Variants in ACER3 observed in about 807,000 individuals in gnomAD.
ACER3 encodes alkaline ceramidase 3.
A neutral mutation model predicts 48.9 loss-of-function variants in ACER3; 16 were observed. The observed-to-expected ratio is 0.33, with a 90% confidence interval of 0.22 to 0.50. The LOEUF (loss-of-function observed/expected upper bound fraction) is 0.50. ACER3 is among the 20% of genes least tolerant of loss of function. The pLI is 0.98. For missense variants in ACER3, 227 were observed against 326.0 expected (o/e 0.70, Z 2.34); for synonymous variants, 109 against 107.8 (o/e 1.01, Z -0.07).
At chr11:76,879,974 A>C (rs944860679) in intron 1 of ACER3, among the ~76,000 whole-genome samples, 1 of 152,112 alleles carries the variant, frequency 6.6e-6, no homozygotes, top group African/African-American at 2.4e-5. Context: ...ATTGGCATAA[A>C]ATTATTTCTA....
intron 1 of ACER3, among the ~76,000 whole-genome samples, chr11:76,880,887 A>G (rs534446425): frequency 6.6e-6 from 1 of 152,192 alleles, no homozygotes; most frequent in South Asian, 2.1e-4. Context: ...TTGTGCTGGT[A>G]TTTGGAGGTG....
intron 2 of ACER3, among the ~76,000 whole-genome samples, chr11:76,949,959 C>T (rs1947596209): frequency 6.6e-6 from 1 of 152,148 alleles, no homozygotes; most frequent in East Asian, 1.9e-4. Context: ...TTGCTGTTTT[C>T]AGTACCATAT....
At chr11:76,968,739 T>C (rs1948211696) in intron 3 of ACER3, among the ~76,000 whole-genome samples, 1 of 152,224 alleles carries the variant, frequency 6.6e-6, no homozygotes, top group South Asian at 2.1e-4. Context: ...TGGCTAGCCA[T>C]ATGTAGAAAG....
chr11:76,929,978 C>A (rs1431414317), intron 2 of ACER3, among the ~76,000 whole-genome samples: 2 of 151,080 alleles, frequency 1.3e-5, no homozygotes, highest in African/African-American at 4.8e-5. Context: ...ATGAGGCTGG[C>A]CTCATAAAAT....
chr11:76,922,758 G>A (rs1386970398), intron 1 of ACER3, among the ~76,000 whole-genome samples: 3 of 152,092 alleles, frequency 2.0e-5, no homozygotes, highest in Non-Finnish European at 4.4e-5. Context: ...ATTGTATACT[G>A]TAAATTGTAT....
In ACER3 at chr11:76,926,674, A is replaced by G. The variant is rs199519117; in HGVS notation, c.214+7A>G. ...TCTTATTTAGCACTCACAGGTATGT[A>G]TAACACTGTATCTGAAGAAATGTAC... On this transcript the variant is annotated splice_region_variant and intron_variant, in intron 2 of 10. Transcript: ENST00000532485. 42 of 1,512,652 alleles carry G rather than the reference A, an allele frequency of 2.8e-5. No homozygotes were observed. Among genetic ancestry groups the G allele is most frequent in the Non-Finnish European group, 3.6e-5 (39 of 1,090,388 alleles). 93.7% of individuals were successfully genotyped at this position (1,512,652 alleles called of 1,614,324 possible).
intron 3 of ACER3, among the ~76,000 whole-genome samples, chr11:76,959,505 A>G (rs929304810): frequency 4.6e-5 from 7 of 151,956 alleles, no homozygotes; most frequent in Non-Finnish European, 1.0e-4. Flanking sequence ...AAATTCATAA[A>G]CTTTCTTAAA....
chr11:76,913,010 GAAGGAGACCTGAAGGTCC>G (rs1036091371), intron 1 of ACER3, among the ~76,000 whole-genome samples: 9 of 152,170 alleles, frequency 5.9e-5, no homozygotes, highest in African/African-American at 2.2e-4. Context: ...AAATTTGCTT[GAAGGAGACCTGAAGGTCC>G]AAGAGAAGAA....
At chr11:76,976,717 A>G (rs892478736) in intron 4 of ACER3, among the ~76,000 whole-genome samples, 1 of 152,230 alleles carries the variant, frequency 6.6e-6, no homozygotes, top group Non-Finnish European at 1.5e-5. Context: ...AAAGTGAGGT[A>G]CACTTCTAGT....
At chr11:77,010,884 T>C (rs1388010157) in intron 7 of ACER3, among the ~76,000 whole-genome samples, 1 of 152,164 alleles carries the variant, frequency 6.6e-6, no homozygotes, top group Non-Finnish European at 1.5e-5. Flanking sequence ...AGCCAAACTA[T>C]CAGTAAAATA....
intron 1 of ACER3, among the ~76,000 whole-genome samples, chr11:76,900,290 CAG>C (rs1264730465): frequency 6.6e-6 from 1 of 152,120 alleles, no homozygotes; most frequent in Non-Finnish European, 1.5e-5. Flanking sequence ...GGTCCTGTCT[CAG>C]GGGTGGCAGA....
chr11:76,930,455 C>CT (rs1946965115), intron 2 of ACER3, among the ~76,000 whole-genome samples: 1 of 151,400 alleles, frequency 6.6e-6, no homozygotes, highest in Non-Finnish European at 1.5e-5. Flanking sequence ...TTTTTTGTGT[C>CT]TCTATCTCCT....
chr11:76,916,899 C>T (rs1343608958), intron 1 of ACER3, among the ~76,000 whole-genome samples: 1 of 152,120 alleles, frequency 6.6e-6, no homozygotes, highest in Non-Finnish European at 1.5e-5. Flanking sequence ...TCTAAAGCAG[C>T]ATTTTAGACC....
chr11:77,000,656 A>G (rs1200263691), intron 7 of ACER3, among the ~76,000 whole-genome samples: 1 of 152,218 alleles, frequency 6.6e-6, no homozygotes. Flanking sequence ...AAGACCCATT[A>G]GTGGAAAAGA....
At chr11:76,962,297 G>A (rs1245285522) in intron 3 of ACER3, among the ~76,000 whole-genome samples, 1 of 142,160 alleles carries the variant, frequency 7.0e-6, no homozygotes, top group Admixed American at 7.2e-5. Flanking sequence ...TCGGCTCACT[G>A]CAACCTCTGC....
At chr11:76,936,806 C>A (rs566556721) in intron 2 of ACER3, among the ~76,000 whole-genome samples, 2 of 151,950 alleles carry the variant, frequency 1.3e-5, no homozygotes, top group Admixed American at 6.6e-5. Context: ...CACCCTCCCC[C>A]ACCTGGGTTC....
intron 7 of ACER3, chr11:77,011,228 A>G (rs1445495811): frequency 4.0e-6 from 2 of 497,868 alleles, no homozygotes; most frequent in Non-Finnish European, 5.2e-6. Context: ...CTATATGAGT[A>G]GTAAGTCCCC....
intron 2 of ACER3, among the ~76,000 whole-genome samples, chr11:76,949,569 G>A (rs564392475): frequency 3.9e-5 from 6 of 152,162 alleles, no homozygotes; most frequent in African/African-American, 9.6e-5. Context: ...ATTATCTCCA[G>A]AATTTCTAAT....
At chr11:76,907,517 T>C (rs761425192) in intron 1 of ACER3, among the ~76,000 whole-genome samples, 1 of 152,244 alleles carries the variant, frequency 6.6e-6, no homozygotes, top group Non-Finnish European at 1.5e-5. Flanking sequence ...AGTGCTTTTA[T>C]TGTTTTCACC....
Sources: gnomAD v4.1 joint callset for allele counts (sites outside exome capture counted in the v4.1 genomes callset) on GRCh38, gnomAD v4.1.1 for gene constraint, MANE v1.5 for transcripts, NCBI Gene and HGNC (gene_info 2026-07-23, HGNC 2026-07-21) for gene names.